ZBBX: variants seen among roughly 807,000 people sequenced by gnomAD.
The protein encoded by ZBBX is zinc finger B-box domain containing.
A neutral mutation model predicts 108.5 loss-of-function variants in ZBBX; 101 were observed. The ratio of observed to expected loss-of-function variants is 0.93; its 90% CI spans 0.79 to 1.10. ZBBX has a LOEUF of 1.10. Among genes scored for constraint, ZBBX ranks in the 50% least tolerant of loss-of-function variants. The pLI, the probability that ZBBX is intolerant of heterozygous loss-of-function variation, is 0.00. For synonymous variants in ZBBX, 356 were observed against 323.4 expected (o/e 1.10, Z -1.08); for missense variants, 1,009 against 941.4 (o/e 1.07, Z -0.94).
chr3:167,196,845 TC>T, the ZBBX span, among the ~76,000 whole-genome samples: 1 of 152,074 alleles, frequency 6.6e-6, no homozygotes, highest in Non-Finnish European at 1.5e-5. Context: ...AAAAAATGTA[TC>T]CTTTTCCTAT....
At chr3:167,220,162 A>C in the ZBBX span, among the ~76,000 whole-genome samples, 2 of 152,022 alleles carry the variant, frequency 1.3e-5, no homozygotes, top group African/African-American at 4.8e-5. Flanking sequence ...ACATTTAAAT[A>C]AGAATGAATA....
intron 9 of ZBBX, among the ~76,000 whole-genome samples, chr3:167,337,622 C>T (rs1336171885): frequency 6.6e-6 from 1 of 152,042 alleles, no homozygotes; most frequent in African/African-American, 2.4e-5. Context: ...AAATAGTACT[C>T]CCCAGAGTAA....
At chr3:167,224,000 T>C in the ZBBX span, among the ~76,000 whole-genome samples, 1 of 151,936 alleles carries the variant, frequency 6.6e-6, no homozygotes, top group African/African-American at 2.4e-5. Flanking sequence ...CACTTTAACC[T>C]TACCCAACAG....
At chr3:167,189,159 A>C in the ZBBX span, among the ~76,000 whole-genome samples, 1 of 151,996 alleles carries the variant, frequency 6.6e-6, no homozygotes, top group East Asian at 1.9e-4. Flanking sequence ...AATTGCCAAA[A>C]ATTTAACATA....
the ZBBX span, among the ~76,000 whole-genome samples, chr3:167,219,470 A>G: frequency 6.6e-6 from 1 of 152,078 alleles, no homozygotes; most frequent in Admixed American, 6.6e-5. Flanking sequence ...ATCAATAACA[A>G]GAGGAATTTT....
the ZBBX span, among the ~76,000 whole-genome samples, chr3:167,208,938 T>A: frequency 6.6e-6 from 1 of 151,958 alleles, no homozygotes; most frequent in African/African-American, 2.4e-5. Flanking sequence ...GGCCACTGCA[T>A]TAACGGGAGA....
At chr3:167,407,568 T>C (rs950694234) in intron 1 of ZBBX, among the ~76,000 whole-genome samples, 2 of 152,112 alleles carry the variant, frequency 1.3e-5, no homozygotes, top group Admixed American at 6.6e-5. Flanking sequence ...AATTAACACG[T>C]TTTTTATTAA....
At chr3:167,337,761 A>G in intron 9 of ZBBX, among the ~76,000 whole-genome samples, 1 of 152,274 alleles carries the variant, frequency 6.6e-6, no homozygotes, top group Non-Finnish European at 1.5e-5. Flanking sequence ...TCACTTAATA[A>G]TATAACAATA....
intron 20 of ZBBX, among the ~76,000 whole-genome samples, chr3:167,273,411 G>A (rs947362633): frequency 2.6e-5 from 4 of 152,114 alleles, no homozygotes; most frequent in Non-Finnish European, 5.9e-5. Context: ...TCCATGGCTT[G>A]GGGCAACAAA....
chr3:167,255,527 G>A (rs1472807426), intron 20 of ZBBX, among the ~76,000 whole-genome samples: 3 of 152,048 alleles, frequency 2.0e-5, no homozygotes, highest in Non-Finnish European at 2.9e-5. Context: ...AGATTAGCAT[G>A]TGGTTTTAAA....
intron 20 of ZBBX, among the ~76,000 whole-genome samples, chr3:167,243,846 C>A (rs548116814): frequency 2.1e-5 from 3 of 146,090 alleles, no homozygotes; most frequent in African/African-American, 7.6e-5. Flanking sequence ...ATTATTCCCA[C>A]TGAAAAATAG....
intron 20 of ZBBX, among the ~76,000 whole-genome samples, chr3:167,251,902 A>T (rs1722671201): frequency 6.9e-6 from 1 of 145,520 alleles, no homozygotes; most frequent in Non-Finnish European, 1.5e-5. Flanking sequence ...TTGTCTCTCG[A>T]TTCATCATGA....
chr3:167,327,913 C>CAAAA lies in ZBBX; in HGVS notation c.862+25_862+28dup, dbSNP rs10645171. ...TGGGCAACAAAGTGAGACTCTGTCT[C>CAAAA]AAAAAAAAAAAAAAAAAAAAAGCCA... On this transcript the variant is annotated intron_variant, in intron 11 of 21. Coordinates refer to ENST00000675490, the MANE Select transcript of ZBBX (RefSeq NM_001199201.2). The CAAAA allele has an allele frequency of 3.3e-3, 3,751 of 1,153,464 alleles. 15 individuals are homozygous for CAAAA. Among genetic ancestry groups the CAAAA allele is most frequent in the South Asian group, 8.9e-3 (494 of 55,334 alleles). 71.5% of individuals were successfully genotyped at this position (1,153,464 alleles called of 1,614,324 possible).
chr3:167,338,820 T>C (rs1179681483), intron 9 of ZBBX, among the ~76,000 whole-genome samples: 1 of 152,112 alleles, frequency 6.6e-6, no homozygotes, highest in African/African-American at 2.4e-5. Context: ...AAAATTGTGT[T>C]ATAGCAGAAC....
intron 4 of ZBBX, among the ~76,000 whole-genome samples, chr3:167,369,962 A>T (rs13088127): frequency 0.02 from 3,091 of 152,206 alleles, 39 homozygotes; most frequent in Non-Finnish European, 0.03. Context: ...AAAAGTAGCA[A>T]AAAATAAAAC....
At chr3:167,228,664 T>C in the ZBBX span, among the ~76,000 whole-genome samples, 1 of 151,844 alleles carries the variant, frequency 6.6e-6, no homozygotes, top group Non-Finnish European at 1.5e-5. Context: ...TGACATAAAG[T>C]ATTTATCTGT....
At chr3:167,380,504 G>A (rs1747631320), upstream of ZBBX, 1 of 152,194 alleles carries the variant, frequency 6.6e-6, no homozygotes, top group Non-Finnish European at 1.5e-5. Context: ...TGGAGATTAT[G>A]TATGTGCTAA....
chr3:167,208,094 T>C, the ZBBX span, among the ~76,000 whole-genome samples: 1 of 152,290 alleles, frequency 6.6e-6, no homozygotes, highest in East Asian at 1.9e-4. Flanking sequence ...ACTCAGCCAG[T>C]GCCCATGAAG....
At chr3:167,316,945 T>C (rs1371161207) in intron 14 of ZBBX, 60 bp downstream of exon 14, 1 of 952,970 alleles carries the variant, frequency 1.0e-6, no homozygotes, top group Non-Finnish European at 1.6e-6. Flanking sequence ...CAGATGTAAG[T>C]ATACATTATG....
Sources: allele counts gnomAD v4.1 joint callset (sites outside exome capture counted in the v4.1 genomes callset), GRCh38; gene constraint gnomAD v4.1.1; transcripts MANE v1.5; gene names NCBI Gene and HGNC (gene_info 2026-07-23, HGNC 2026-07-21).